The following SETBP1 variants were observed in gnomAD, a reference collection of about 807,000 sequenced individuals.
The protein encoded by SETBP1 is SET-binding protein.
A neutral mutation model predicts 101.0 loss-of-function variants in SETBP1; 9 were observed. That is an observed-to-expected ratio of 0.09 (90% CI 0.05 to 0.16). The LOEUF is 0.16. SETBP1 is among the 10% of genes least tolerant of loss of function. The pLI, the probability that SETBP1 is intolerant of heterozygous loss-of-function variation, is 1.00. For synonymous variants in SETBP1, 818 were observed against 788.5 expected (o/e 1.04, Z -0.63); for missense variants, 1,858 against 2,033.8 (o/e 0.91, Z 1.66).
intron 2 of SETBP1, among the ~76,000 whole-genome samples, chr18:44,868,692 GAGA>G: frequency 9.1e-6 from 1 of 109,346 alleles, no homozygotes; most frequent in Non-Finnish European, 2.1e-5. Flanking sequence ...GAGAGAGAGA[GAGA>G]GAGGACGGAA....
intron 3 of SETBP1, among the ~76,000 whole-genome samples, chr18:44,896,471 C>A (rs1424282639): frequency 1.3e-5 from 2 of 152,142 alleles, no homozygotes; most frequent in African/African-American, 4.8e-5. Context: ...AGACAGACAT[C>A]ATCCCTGACC....
At chr18:44,994,200 A>G (rs910147960) in intron 4 of SETBP1, among the ~76,000 whole-genome samples, 4 of 152,134 alleles carry the variant, frequency 2.6e-5, no homozygotes, top group Admixed American at 2.6e-4. Flanking sequence ...AAAAAAATGA[A>G]AAGGTATTTT....
chr18:44,823,600 C>A (rs1181587531), intron 2 of SETBP1, among the ~76,000 whole-genome samples: 1 of 152,192 alleles, frequency 6.6e-6, no homozygotes, highest in Non-Finnish European at 1.5e-5. Context: ...TATTCTAGAA[C>A]AGGACTTATG....
chr18:45,054,608 G>T (rs1466483865), intron 5 of SETBP1, among the ~76,000 whole-genome samples: 1 of 152,204 alleles, frequency 6.6e-6, no homozygotes, highest in Non-Finnish European at 1.5e-5. Flanking sequence ...CTTACAGGGA[G>T]CTATAATCTC....
At chr18:44,895,964 T>A (rs1381039494) in intron 3 of SETBP1, among the ~76,000 whole-genome samples, 3 of 152,152 alleles carry the variant, frequency 2.0e-5, no homozygotes, top group African/African-American at 4.8e-5. Context: ...CATGCCCGCA[T>A]GCTCACCCCA....
At chr18:44,713,236 T>G (rs996136803) in intron 2 of SETBP1, among the ~76,000 whole-genome samples, 5 of 151,996 alleles carry the variant, frequency 3.3e-5, no homozygotes, top group Non-Finnish European at 7.4e-5. Flanking sequence ...GGATTACATG[T>G]GTGAGCCACC....
At chr18:44,966,802 T>C (rs556870696) in intron 4 of SETBP1, among the ~76,000 whole-genome samples, 2 of 152,288 alleles carry the variant, frequency 1.3e-5, no homozygotes, top group Admixed American at 1.3e-4. Context: ...ATGCTAAATA[T>C]CCCACTTGCT....
At chr18:44,790,686 T>C (rs761728644) in intron 2 of SETBP1, among the ~76,000 whole-genome samples, 8 of 152,184 alleles carry the variant, frequency 5.3e-5, no homozygotes, top group Non-Finnish European at 1.0e-4. Context: ...AAGACCAAAA[T>C]GCCTTGGTCT....
chr18:45,026,501 C>G lies in SETBP1; in HGVS notation c.4001-11984C>G, dbSNP rs140943538. On this transcript the variant is annotated intron_variant, in intron 4 of 5. Coordinates refer to ENST00000649279, the MANE Select transcript of SETBP1 (RefSeq NM_015559.3). ...CTACCTTGATTTTACTTTACCGAAG[C>G]TCCAATATGTTCAGCAATAGCCTGT... Among the ~76,000 whole-genome samples the G allele has an allele frequency of 5.5e-4, 83 of 152,274 alleles. No individual in the cohort carries two copies. In the East Asian group the frequency reaches 0.015, roughly 27 times the overall value.
At chr18:44,804,058 T>C (rs2071672800) in intron 2 of SETBP1, among the ~76,000 whole-genome samples, 1 of 152,124 alleles carries the variant, frequency 6.6e-6, no homozygotes, top group Non-Finnish European at 1.5e-5. Flanking sequence ...AAATTGTTTT[T>C]AGCCATCCAT....
At chr18:44,798,293 G>A (rs150978562) in intron 2 of SETBP1, among the ~76,000 whole-genome samples, 1 of 152,068 alleles carries the variant, frequency 6.6e-6, no homozygotes. Flanking sequence ...AAAATCTGAA[G>A]ATCTCATAGA....
At chr18:44,891,932 A>G (rs768484730) in intron 3 of SETBP1, among the ~76,000 whole-genome samples, 4 of 152,132 alleles carry the variant, frequency 2.6e-5, no homozygotes, top group Non-Finnish European at 5.9e-5. Flanking sequence ...TTCTCAAAGG[A>G]GTTTGCACAT....
chr18:45,006,970 G>A (rs2072742537), intron 4 of SETBP1, among the ~76,000 whole-genome samples: 1 of 152,162 alleles, frequency 6.6e-6, no homozygotes, highest in South Asian at 2.1e-4. Context: ...CCAGCTCAGG[G>A]TCTCATCTCC....
intron 2 of SETBP1, among the ~76,000 whole-genome samples, chr18:44,813,216 A>C (rs1013421145): frequency 3.9e-5 from 6 of 152,246 alleles, no homozygotes; most frequent in Non-Finnish European, 8.8e-5. Flanking sequence ...ATGTCCTTTC[A>C]GGCTATCTTT....
intron 2 of SETBP1, among the ~76,000 whole-genome samples, chr18:44,790,341 G>T (rs1379780389): frequency 6.6e-6 from 1 of 152,106 alleles, no homozygotes; most frequent in Non-Finnish European, 1.5e-5. Flanking sequence ...CTAAGATACT[G>T]CTTCCAAAGT....
At chr18:45,017,977 A>G (rs2145407820) in intron 4 of SETBP1, among the ~76,000 whole-genome samples, 1 of 152,318 alleles carries the variant, frequency 6.6e-6, no homozygotes, top group East Asian at 1.9e-4. Context: ...CTGAGTTGGG[A>G]CAGTGTCACC....
chr18:44,806,922 T>G (rs1220069498), intron 2 of SETBP1, among the ~76,000 whole-genome samples: 1 of 152,022 alleles, frequency 6.6e-6, no homozygotes, highest in Non-Finnish European at 1.5e-5. Context: ...TTCTCATCTT[T>G]TAATGTCTAA....
Position 44,950,872 on chromosome 18 carries a change from A to T in SETBP1, c.1532A>T (p.Asp511Val), listed in dbSNP as rs2071330874. Residue 511 changes from aspartate to valine, a missense_variant, in exon 4 of 6, where the codon GAT becomes GTT. Asp to Val is a radical substitution (Grantham distance 152, BLOSUM62 -3). This residue lies in a region of SETBP1 where 581 missense variants were observed against 535.1 expected (regional missense o/e 1.09). Transcript: ENST00000649279. The stretch of plus-strand genomic sequence containing the variant: ...GTCATGACACCTCCAACGTGCACAG[A>T]TCACTCTCCATCCAGAAAGCTGCCA... ...PMVMTPPTCT[D>V]HSPSRKLPEI... 6.2e-7 allele frequency: 1 copy of T among 1,614,030 alleles called. No individual in the cohort carries two copies. The highest frequency in any genetic ancestry group is 1.7e-5 in the Admixed American group (1 of 60,006).
intron 4 of SETBP1, among the ~76,000 whole-genome samples, chr18:45,036,763 C>T (rs779601544): frequency 1.3e-5 from 2 of 152,206 alleles, no homozygotes; most frequent in African/African-American, 2.4e-5. Context: ...TAGGTAGTTA[C>T]AGATGCCTTA....
Sources: gnomAD v4.1 joint callset for allele counts (sites outside exome capture counted in the v4.1 genomes callset) on GRCh38, gnomAD v4.1.1 for gene constraint, gnomAD v4.1.1 regional missense constraint, MANE v1.5 for transcripts, NCBI Gene and HGNC (gene_info 2026-07-23, HGNC 2026-07-21) for gene names.